The following CLNS1A variants were observed in gnomAD, a reference collection of about 807,000 sequenced individuals.
The protein encoded by CLNS1A is methylosome subunit pICln.
In CLNS1A, 16 loss-of-function variants were observed where a neutral mutation model predicts 29.4. That is an observed-to-expected ratio of 0.54 (90% CI 0.37 to 0.83). The LOEUF is 0.83. Ranked by LOEUF, CLNS1A falls within the 40% of genes least tolerant of loss-of-function variation. CLNS1A has a pLI of 0.00. For missense variants in CLNS1A, 235 were observed against 287.4 expected (o/e 0.82, Z 1.32); for synonymous variants, 96 against 104.8 (o/e 0.92, Z 0.51).
intron 6 of CLNS1A, chr11:77,618,624 A>G (rs964619319): frequency 6.6e-6 from 1 of 152,252 alleles, no homozygotes; most frequent in Admixed American, 6.5e-5. Flanking sequence ...ATAAGAAGCA[A>G]TGTTATACAG....
intron 1 of CLNS1A, among the ~76,000 whole-genome samples, chr11:77,634,844 G>GA (rs1358268258): frequency 6.6e-6 from 1 of 152,034 alleles, no homozygotes; most frequent in East Asian, 1.9e-4. Context: ...ACCCAGGCTG[G>GA]AATGCAGTAG....
intron 4 of CLNS1A, among the ~76,000 whole-genome samples, chr11:77,624,755 G>A (rs906568164): frequency 6.6e-6 from 1 of 152,048 alleles, no homozygotes; most frequent in Non-Finnish European, 1.5e-5. Context: ...GGAGGCAGAG[G>A]TTGCAGTGAG....
chr11:77,619,657 G>T lies in CLNS1A; in HGVS notation c.685C>A (p.Gln229Lys). 6.2e-7 allele frequency: 1 copy of T among 1,613,892 alleles called. No homozygotes were observed. Among genetic ancestry groups the T allele is most frequent in the Non-Finnish European group, 8.5e-7 (1 of 1,179,850 alleles). Residue 229 changes from glutamine to lysine, a missense_variant, in exon 6 of 7, where the codon CAG (glutamine) becomes AAG (lysine). Gln to Lys is a moderately conservative substitution (Grantham distance 53, BLOSUM62 1). Coordinates refer to ENST00000525428, the MANE Select transcript of CLNS1A (RefSeq NM_001293.3). ...TGATCAACATCTGCATCCTCAAACTGTCCAGCAACTGTTGGTGTGGTATCC... is the reference window on the plus strand; with the variant it reads ...TGATCAACATCTGCATCCTCAAACTTTCCAGCAACTGTTGGTGTGGTATCC... ...EVDTTPTVAGQFEDADVDH is the reference protein window; with the variant it reads ...EVDTTPTVAGKFEDADVDH
At chr11:77,626,942 G>A (rs1316023335) in intron 2 of CLNS1A, among the ~76,000 whole-genome samples, 21 of 146,046 alleles carry the variant, frequency 1.4e-4, no homozygotes, top group African/African-American at 3.8e-4. Flanking sequence ...TGATCCGCCC[G>A]CCTCAGCCTC....
At chr11:77,637,338 G>A (rs12418929) in intron 1 of CLNS1A, among the ~76,000 whole-genome samples, 798 of 106,818 alleles carry the variant, frequency 7.5e-3, no homozygotes, top group Middle Eastern at 0.044. Context: ...AGGAAAAAAA[G>A]AAAAAAAAAA....
chr11:77,630,705 GGCTA>G (rs1030228858), intron 1 of CLNS1A, among the ~76,000 whole-genome samples: 1 of 152,102 alleles, frequency 6.6e-6, no homozygotes, highest in Non-Finnish European at 1.5e-5. Flanking sequence ...TTTCAGTAGA[GGCTA>G]GCTAATTTTC....
rs977277874 is a variant in CLNS1A at position 77,614,962 on chromosome 11, A to T, written c.*1756T>A. The T allele has an allele frequency of 1.3e-5, 2 of 152,178 alleles. No homozygotes were observed. Among genetic ancestry groups the T allele is most frequent in the African/African-American group, 4.8e-5 (2 of 41,434 alleles). 9.4% of individuals were successfully genotyped at this position (152,178 alleles called of 1,614,324 possible). A position where few individuals can be genotyped will look rare whatever the true frequency, so the allele number is the denominator to read the frequency against. ...AACTATCTAGTGAATGTTACAGCTCAATCTTTGAAAGTCACTTAGTCTAAT... is the reference window on the plus strand; with the variant it reads ...AACTATCTAGTGAATGTTACAGCTCTATCTTTGAAAGTCACTTAGTCTAAT... On this transcript the variant is annotated 3_prime_UTR_variant, in exon 7 of 7. Coordinates refer to ENST00000525428, the MANE Select transcript of CLNS1A (RefSeq NM_001293.3).
At chr11:77,631,895 G>A (rs555636364) in intron 1 of CLNS1A, among the ~76,000 whole-genome samples, 1 of 152,072 alleles carries the variant, frequency 6.6e-6, no homozygotes, top group South Asian at 2.1e-4. Context: ...GTGACACCAC[G>A]CCTCGCTAAT....
chr11:77,630,583 T>A (rs1959064036), intron 1 of CLNS1A, among the ~76,000 whole-genome samples: 1 of 152,158 alleles, frequency 6.6e-6, no homozygotes, highest in Admixed American at 6.5e-5. Flanking sequence ...TTCAACGTCT[T>A]TAAGAGAAAG....
chr11:77,627,623 C>T (rs935979838), intron 2 of CLNS1A, among the ~76,000 whole-genome samples: 4 of 152,124 alleles, frequency 2.6e-5, no homozygotes, highest in African/African-American at 9.7e-5. Flanking sequence ...TTAAAACACA[C>T]ACCCTAAAAC....
Position 77,615,759 on chromosome 11 carries a change from T to C in CLNS1A, c.*959A>G, listed in dbSNP as rs1958901285. 1 of 152,188 alleles carries C rather than the reference T, an allele frequency of 6.6e-6. No homozygotes were observed. The highest frequency in any genetic ancestry group is 1.5e-5 in the Non-Finnish European group (1 of 68,038). The allele number at this position is 152,188 out of a possible 1,614,324, so 9.4% of individuals were successfully genotyped here. A position where few individuals can be genotyped will look rare whatever the true frequency, so the allele number is the denominator to read the frequency against. Reference sequence around the variant, plus strand: ...TGAGTGGTACCAAACATCAGTTTAGTCACTAATTAGCCATGTGATCCTGTT... The same window carrying C: ...TGAGTGGTACCAAACATCAGTTTAGCCACTAATTAGCCATGTGATCCTGTT... On this transcript the variant is annotated 3_prime_UTR_variant, in exon 7 of 7. Coordinates refer to ENST00000525428, the MANE Select transcript of CLNS1A (RefSeq NM_001293.3).
chr11:77,625,035 C>A lies in CLNS1A; in HGVS notation c.400G>T (p.Ala134Ser). ...AMFTAMCECQALHPDPEDEDS... is the reference protein window; with the variant it reads ...AMFTAMCECQSLHPDPEDEDS... ...TCATCCTCAGGATCTGGATGCAAGGCCTGGCATTCGCACATTGCAGTGAAC... is the reference window on the plus strand; with the variant it reads ...TCATCCTCAGGATCTGGATGCAAGGACTGGCATTCGCACATTGCAGTGAAC... Residue 134 changes from alanine (A) to serine (S), a missense_variant, in exon 4 of 7, where the codon GCC (alanine) becomes TCC (serine). Ala to Ser is a moderately conservative substitution (Grantham distance 99). Transcript: ENST00000525428. The A allele has an allele frequency of 1.9e-6, 3 of 1,613,854 alleles. No individual in the cohort carries two copies. The highest frequency in any genetic ancestry group is 1.7e-6 in the Non-Finnish European group (2 of 1,179,846).
chr11:77,622,671 G>T lies in CLNS1A; in HGVS notation c.475C>A (p.Gln159Lys), dbSNP rs753931579. ...AATGTAGGGATGTCCCCCTGTCCTT[G>T]TTCTAAACAAACAGAAAACTTTAAA... is the stretch of plus-strand genomic sequence containing the variant. The part of the protein sequence containing the change: ...GEEYDVEAHE[Q>K]GQGDIPTFYT... The change falls in exon 5 of 7, where the codon CAA becomes AAA. Residue 159 changes from glutamine (Q) to lysine (K), a missense_variant and splice_region_variant. Physicochemically the swap from Gln to Lys is moderately conservative, Grantham distance 53. Transcript: ENST00000525428. 1 of 1,567,590 alleles carries T rather than the reference G, an allele frequency of 6.4e-7. No homozygotes were observed. The highest frequency in any genetic ancestry group is 1.4e-5 in the African/African-American group (1 of 72,352).
At chr11:77,620,679 G>A (rs1461405804) in intron 5 of CLNS1A, among the ~76,000 whole-genome samples, 1 of 151,906 alleles carries the variant, frequency 6.6e-6, no homozygotes, top group Non-Finnish European at 1.5e-5. Flanking sequence ...CATGGTGGCA[G>A]GCGCTTATAA....
chr11:77,618,575 G>A (rs1958926486), intron 6 of CLNS1A: 1 of 152,236 alleles, frequency 6.6e-6, no homozygotes, highest in Non-Finnish European at 1.5e-5. Context: ...CAGGATGTGA[G>A]AAGAAAGCAC....
chr11:77,632,487 AG>A (rs567393317), intron 1 of CLNS1A, among the ~76,000 whole-genome samples: 86 of 152,338 alleles, frequency 5.6e-4, no homozygotes, highest in Non-Finnish European at 1.1e-3. Flanking sequence ...ACTAGTGCAG[AG>A]AGAATACAAA....
Position 77,620,705 on chromosome 11 carries a change from A to G in CLNS1A, c.647-1010T>C, listed in dbSNP as rs112838309. ...GCGCTTATAATCCCAGCTACTCGGG[A>G]GGCTGAGGCAGGAGAATGGCTTGAA... is the stretch of plus-strand genomic sequence containing the variant. On this transcript the variant is annotated intron_variant, in intron 5 of 6. Transcript: ENST00000525428. Among the ~76,000 whole-genome samples the G allele has an allele frequency of 5.6e-3, 849 of 152,120 alleles. 9 individuals carry two copies. The highest frequency in any genetic ancestry group is 0.02 in the African/African-American group (814 of 41,470).
In CLNS1A at chr11:77,619,706, A is replaced by G. The variant is rs551491149; in HGVS notation, c.647-11T>C. ...CCACCTCCATCCCATCTAAACAAAA[A>G]AATTAATTACTGAGCAATCCCTATG... On this transcript the variant is annotated splice_polypyrimidine_tract_variant and intron_variant, in intron 5 of 6. Transcript: ENST00000525428. The G allele has an allele frequency of 2.5e-6, 4 of 1,602,368 alleles. No individual in the cohort carries two copies. The African/African-American group carries it at 4.0e-5, about 16-fold the overall frequency.
intron 1 of CLNS1A, among the ~76,000 whole-genome samples, chr11:77,634,101 C>G (rs1411623187): frequency 8.1e-6 from 1 of 122,872 alleles, no homozygotes; most frequent in African/African-American, 3.0e-5. Flanking sequence ...AACTTCATCT[C>G]AAAAAAAAAA....
Sources: gnomAD v4.1 joint callset for allele counts (sites outside exome capture counted in the v4.1 genomes callset) on GRCh38, gnomAD v4.1.1 for gene constraint, MANE v1.5 for transcripts, NCBI Gene and HGNC (gene_info 2026-07-23, HGNC 2026-07-21) for gene names.